AKAP8L: variants seen among roughly 807,000 people sequenced by gnomAD.
AKAP8L encodes the protein A-kinase anchoring protein 8 like.
A neutral mutation model predicts 77.5 loss-of-function variants in AKAP8L; 34 were observed. That is an observed-to-expected ratio of 0.44 (90% CI 0.33 to 0.58). The LOEUF (loss-of-function observed/expected upper bound fraction) is 0.58. Ranked by LOEUF, AKAP8L falls within the 20% of genes least tolerant of loss-of-function variation. AKAP8L has a pLI of 0.02. For missense variants in AKAP8L, 806 were observed against 887.6 expected (o/e 0.91, Z 1.17); for synonymous variants, 342 against 340.7 (o/e 1.00, Z -0.04).
chr19:15,418,189 C>T (rs960346048), intron 1 of AKAP8L, among the ~76,000 whole-genome samples: 2 of 152,358 alleles, frequency 1.3e-5, no homozygotes, highest in Non-Finnish European at 2.9e-5. Context: ...AAAATATATC[C>T]TACACTCGCT....
intron 1 of AKAP8L, 120 bp downstream of exon 1, chr19:15,418,791 T>C: frequency 1.0e-6 from 1 of 995,582 alleles, no homozygotes; most frequent in South Asian, 1.4e-5. Flanking sequence ...GGCGCCATTT[T>C]GTGACCGCAG....
chr19:15,386,580 CAAG>C (rs1967542607), intron 12 of AKAP8L, among the ~76,000 whole-genome samples: 1 of 152,252 alleles, frequency 6.6e-6, no homozygotes, highest in African/African-American at 2.4e-5. Context: ...ACAGTACAGC[CAAG>C]AAGACAGGTC....
intron 12 of AKAP8L, among the ~76,000 whole-genome samples, chr19:15,391,728 C>T (rs1033667750): frequency 4.6e-5 from 7 of 151,254 alleles, no homozygotes; most frequent in Non-Finnish European, 8.8e-5. Context: ...TTAGTAGAGA[C>T]GGGGTTTCAC....
Position 15,399,278 on chromosome 19 carries a change from G to C in AKAP8L, c.1157+24C>G. 6.3e-7 allele frequency: 1 copy of C among 1,596,684 alleles called. No homozygotes were observed. Among genetic ancestry groups the C allele is most frequent in the Non-Finnish European group, 8.6e-7 (1 of 1,164,314 alleles). On this transcript the variant is annotated intron_variant, in intron 9 of 13. Coordinates refer to ENST00000397410, the MANE Select transcript of AKAP8L (RefSeq NM_014371.4). The surrounding 1 kb of genome is among the most constrained non-coding windows in gnomAD (Gnocchi z 6.1). ...GCAGCCCCACAGCGAGGCAGAGGCAGAGGGGTGGAGGGAAGCTGGTTACCT... is the reference window on the plus strand; with the variant it reads ...GCAGCCCCACAGCGAGGCAGAGGCACAGGGGTGGAGGGAAGCTGGTTACCT...
chr19:15,385,470 C>T (rs1243716440), intron 12 of AKAP8L, among the ~76,000 whole-genome samples: 4 of 152,102 alleles, frequency 2.6e-5, no homozygotes, highest in Admixed American at 2.0e-4. Flanking sequence ...CATGAGCCAC[C>T]GCGCCCGGCA....
At chr19:15,411,494 T>A (rs1193894776) in intron 1 of AKAP8L, among the ~76,000 whole-genome samples, 1 of 149,302 alleles carries the variant, frequency 6.7e-6, no homozygotes, top group East Asian at 2.0e-4. Context: ...TGTGGCAGCA[T>A]GTGCCTGTAG....
intron 2 of AKAP8L, among the ~76,000 whole-genome samples, chr19:15,407,108 T>C (rs1331508801): frequency 6.6e-6 from 1 of 151,768 alleles, no homozygotes; most frequent in Non-Finnish European, 1.5e-5. Flanking sequence ...ATACAAAAAA[T>C]AGCTGGGCAT....
At chr19:15,418,773 G>A (rs1394819627) in intron 1 of AKAP8L, 138 bp downstream of exon 1, 3 of 806,626 alleles carry the variant, frequency 3.7e-6, no homozygotes, top group Non-Finnish European at 3.9e-6. Context: ...CTGAGGCGAC[G>A]GGCCAGCGGC....
intron 1 of AKAP8L, among the ~76,000 whole-genome samples, chr19:15,411,044 G>A (rs942783629): frequency 7.2e-5 from 11 of 152,010 alleles, no homozygotes; most frequent in Admixed American, 2.6e-4. Flanking sequence ...TAATTCCTAG[G>A]CTTAAGCAAT....
chr19:15,400,244 G>A (rs1353366643), intron 8 of AKAP8L, 51 bp downstream of exon 8: 1 of 1,594,992 alleles, frequency 6.3e-7, no homozygotes, highest in South Asian at 1.1e-5. Context: ...CCCTCCCACT[G>A]TGAGCCCCTG....
intron 12 of AKAP8L, among the ~76,000 whole-genome samples, chr19:15,389,063 AAATAC>A (rs1447579167): frequency 6.7e-6 from 1 of 149,622 alleles, no homozygotes; most frequent in African/African-American, 2.5e-5. Flanking sequence ...AAAAAAAAAA[AAATAC>A]AAAAAATTAG....
At chr19:15,392,137 G>T (rs1168026854) in intron 12 of AKAP8L, among the ~76,000 whole-genome samples, 1 of 152,226 alleles carries the variant, frequency 6.6e-6, no homozygotes, top group Non-Finnish European at 1.5e-5. Context: ...CCTAGCCATA[G>T]CTGAAATATT....
chr19:15,408,580 GAAA>G (rs1968047800), intron 2 of AKAP8L, among the ~76,000 whole-genome samples: 1 of 15,764 alleles, frequency 6.3e-5, no homozygotes, highest in Non-Finnish European at 1.9e-4. Flanking sequence ...AAAAAAAAAA[GAAA>G]GAAAGAAAGA....
At chr19:15,411,415 G>A (rs961742231) in intron 1 of AKAP8L, among the ~76,000 whole-genome samples, 1 of 151,860 alleles carries the variant, frequency 6.6e-6, no homozygotes, top group African/African-American at 2.4e-5. Flanking sequence ...CAACACTTTG[G>A]GAGGCCAAGA....
Position 15,398,576 on chromosome 19 carries a change from T to C in AKAP8L, c.1158-721A>G, listed in dbSNP as rs1352346981. 3 of 986,802 alleles carry C rather than the reference T, an allele frequency of 3.0e-6. No individual in the cohort carries two copies. Among genetic ancestry groups the C allele is most frequent in the East Asian group, 1.1e-4 (1 of 8,808 alleles). 61.1% of individuals were successfully genotyped at this position (986,802 alleles called of 1,614,324 possible). Reference sequence around the variant, plus strand: ...GGGCCTGGGCCGGAGCAGGCCGCCGTGGCAAGGGGCGGAGGAGGCCAGCCG... The same window carrying C: ...GGGCCTGGGCCGGAGCAGGCCGCCGCGGCAAGGGGCGGAGGAGGCCAGCCG... On this transcript the variant is annotated intron_variant, in intron 9 of 13. Coordinates refer to ENST00000397410, the MANE Select transcript of AKAP8L (RefSeq NM_014371.4). The surrounding 1 kb of genome is among the most constrained non-coding windows in gnomAD (Gnocchi z 9.2).
Position 15,398,799 on chromosome 19 carries a change from A to G in AKAP8L, c.1157+503T>C. On this transcript the variant is annotated intron_variant, in intron 9 of 13. Coordinates refer to ENST00000397410, the MANE Select transcript of AKAP8L (RefSeq NM_014371.4). The surrounding 1 kb of genome is among the most constrained non-coding windows in gnomAD (Gnocchi z 9.2). ...CAGACAGACCCGACCAAGGGGCGTG[A>G]AGGGCTCAGCCGCAGACAGGCCCGG... 1.0e-6 allele frequency: 1 copy of G among 1,002,994 alleles called. No individual in the cohort carries two copies. The highest frequency in any genetic ancestry group is 1.2e-6 in the Non-Finnish European group (1 of 840,902). 62.1% of individuals were successfully genotyped at this position (1,002,994 alleles called of 1,614,324 possible).
rs1967932658 is a variant in AKAP8L at position 15,403,236 on chromosome 19, T to C, written c.362+239A>G. The C allele has an allele frequency of 1.8e-6, 1 of 550,038 alleles. No homozygotes were observed. Among genetic ancestry groups the C allele is most frequent in the Non-Finnish European group, 3.3e-6 (1 of 304,168 alleles). 34.1% of individuals were successfully genotyped at this position (550,038 alleles called of 1,614,324 possible). ...GTGAAGTCTGCCCAGTCTGGGCTTGTTCCTCTCACCGCAAGCTGGGAAAGG... is the reference window on the plus strand; with the variant it reads ...GTGAAGTCTGCCCAGTCTGGGCTTGCTCCTCTCACCGCAAGCTGGGAAAGG... On this transcript the variant is annotated intron_variant, in intron 4 of 13. Transcript: ENST00000397410. This position sits in a 1 kb window ranked among gnomAD's most constrained non-coding sequence, Gnocchi z 4.3.
chr19:15,380,071 G>A lies in AKAP8L; in HGVS notation c.*51C>T. 9.8e-6 allele frequency: 14 copies of A among 1,431,242 alleles called. No homozygotes were observed. The highest frequency in any genetic ancestry group is 3.0e-5 in the East Asian group (1 of 33,886). The allele number at this position is 1,431,242 out of a possible 1,614,324, so 88.7% of individuals were successfully genotyped here. On this transcript the variant is annotated 3_prime_UTR_variant, in exon 14 of 14. Transcript: ENST00000397410. ...GAGGTGGGATGGGAAAACTTTATTA[G>A]GTTTGGTTTCCAGCTTCGGCCACGC...
rs377755876 is a variant in AKAP8L at position 15,400,275 on chromosome 19, G to C, written c.1048+20C>G. 7 of 1,613,500 alleles carry C rather than the reference G, an allele frequency of 4.3e-6. No homozygotes were observed. The South Asian group carries it at 6.6e-5, about 15-fold the overall frequency. On this transcript the variant is annotated intron_variant, in intron 8 of 13. Coordinates refer to ENST00000397410, the MANE Select transcript of AKAP8L (RefSeq NM_014371.4). The stretch of plus-strand genomic sequence containing the variant: ...CCCTGGAAGAGCCGCCCTAGCACCA[G>C]GCACCCCAGGAAAACTCACCCTTCT...
Sources: gnomAD v4.1 joint callset for allele counts (sites outside exome capture counted in the v4.1 genomes callset) on GRCh38, gnomAD v4.1.1 for gene constraint, Gnocchi (gnomAD v3.1) non-coding constraint, MANE v1.5 for transcripts, NCBI Gene and HGNC (gene_info 2026-07-23, HGNC 2026-07-21) for gene names.